EGLN1: variants seen among roughly 807,000 people sequenced by gnomAD.
EGLN1 encodes egl nine homolog 1.
Under a neutral mutation model 38.3 loss-of-function variants are expected in EGLN1, and 17 were observed. That is an observed-to-expected ratio of 0.44 (90% confidence interval 0.30 to 0.67). The LOEUF is 0.67. Ranked by LOEUF, EGLN1 falls within the 30% of genes least tolerant of loss-of-function variation. The pLI is 0.08. For synonymous variants in EGLN1, 283 were observed against 257.5 expected (o/e 1.10, Z -0.95); for missense variants, 477 against 603.3 (o/e 0.79, Z 2.19).
intron 1 of EGLN1, among the ~76,000 whole-genome samples, chr1:231,394,784 C>T (rs555349433): frequency 1.1e-3 from 161 of 152,050 alleles, no homozygotes; most frequent in African/African-American, 3.8e-3. Context: ...AACTTTTCAC[C>T]CCCAGATTTC....
At chr1:231,405,424 A>G (rs988354258) in intron 1 of EGLN1, among the ~76,000 whole-genome samples, 1 of 151,892 alleles carries the variant, frequency 6.6e-6, no homozygotes, top group Non-Finnish European at 1.5e-5. Flanking sequence ...TGATCCGCCC[A>G]CCTCAGCCTC....
At chr1:231,409,657 AG>A (rs377605894) in intron 1 of EGLN1, among the ~76,000 whole-genome samples, 98 of 152,312 alleles carry the variant, frequency 6.4e-4, no homozygotes, top group African/African-American at 2.2e-3. Context: ...AGTCCTCTAC[AG>A]ATGCCAAAGT....
intron 1 of EGLN1, among the ~76,000 whole-genome samples, chr1:231,416,452 T>G (rs907743144): frequency 6.6e-6 from 1 of 151,344 alleles, no homozygotes; most frequent in Non-Finnish European, 1.5e-5. Context: ...TTTTTTTTTT[T>G]GAGATAGGGT....
chr1:231,378,681 C>A (rs1688013608), intron 1 of EGLN1, among the ~76,000 whole-genome samples: 1 of 152,174 alleles, frequency 6.6e-6, no homozygotes, highest in Non-Finnish European at 1.5e-5. Context: ...CGCAATGCCT[C>A]TGAGGAATCT....
chr1:231,395,521 T>C (rs1232126180), intron 1 of EGLN1, among the ~76,000 whole-genome samples: 1 of 152,234 alleles, frequency 6.6e-6, no homozygotes, highest in East Asian at 1.9e-4. Flanking sequence ...CCTCATTTCC[T>C]GTTCCACACT....
chr1:231,371,052 G>C (rs112138605), intron 2 of EGLN1, among the ~76,000 whole-genome samples: 85 of 152,252 alleles, frequency 5.6e-4, no homozygotes, highest in African/African-American at 1.9e-3. Flanking sequence ...ACCATGTCCA[G>C]CTAATTTTTG....
rs560996946 is a variant in EGLN1, at chr1:231,374,074, T to C, written c.917A>G (p.Asn306Ser). 16 of 1,613,556 alleles carry C rather than the reference T, an allele frequency of 9.9e-6. No homozygotes were observed. The highest frequency in any genetic ancestry group is 4.4e-5 in the South Asian group (4 of 91,068). Residue 306 changes from asparagine (N) to serine (S), a missense_variant, in exon 2 of 5, where the codon AAT (asparagine) becomes AGT (serine). Transcript: ENST00000366641. ...AACATGACGTACATAACCCGTTCCATTGCCCGGATAACAAGCAACCATGGC... is the reference window on the plus strand; with the variant it reads ...AACATGACGTACATAACCCGTTCCACTGCCCGGATAACAAGCAACCATGGC... ...TKAMVACYPGNGTGYVRHVDN... is the reference protein window; with the variant it reads ...TKAMVACYPGSGTGYVRHVDN...
At chr1:231,411,204 T>C (rs1209199949) in intron 1 of EGLN1, among the ~76,000 whole-genome samples, 1 of 152,176 alleles carries the variant, frequency 6.6e-6, no homozygotes, top group Non-Finnish European at 1.5e-5. Context: ...CCTCATGCTG[T>C]TCTCATGATA....
chr1:231,407,889 T>C (rs997086728), intron 1 of EGLN1, among the ~76,000 whole-genome samples: 2 of 152,058 alleles, frequency 1.3e-5, no homozygotes, highest in Non-Finnish European at 2.9e-5. Flanking sequence ...CACAACAGGA[T>C]TAAAACTCTC....
intron 1 of EGLN1, among the ~76,000 whole-genome samples, chr1:231,377,444 G>A (rs2790891): frequency 0.55 from 82,941 of 152,034 alleles, 24,246 homozygotes; most frequent in Non-Finnish European, 0.65. Context: ...GTATTCTGAA[G>A]GCAGAAAACC....
chr1:231,415,754 G>A (rs911128190), intron 1 of EGLN1, among the ~76,000 whole-genome samples: 5 of 152,136 alleles, frequency 3.3e-5, no homozygotes, highest in Middle Eastern at 6.8e-3. Context: ...AGCAACTGAC[G>A]ACTCAAGAAA....
At chr1:231,375,015 A>G (rs1572021205) in intron 1 of EGLN1, among the ~76,000 whole-genome samples, 1 of 110,000 alleles carries the variant, frequency 9.1e-6, no homozygotes. Flanking sequence ...ATTCTCAGGA[A>G]TTATGAAGAA....
At chr1:231,389,604 A>G (rs1688315294) in intron 1 of EGLN1, among the ~76,000 whole-genome samples, 1 of 152,198 alleles carries the variant, frequency 6.6e-6, no homozygotes, top group South Asian at 2.1e-4. Context: ...ACTGCTTTTC[A>G]CCTTCACAAA....
intron 1 of EGLN1, among the ~76,000 whole-genome samples, chr1:231,410,740 A>G (rs12748865): frequency 1.2e-3 from 185 of 151,970 alleles, no homozygotes; most frequent in Non-Finnish European, 2.2e-3. Context: ...ACTGAAAAAT[A>G]TAAGAAAAAA....
At chr1:231,402,946 C>T (rs1179089632) in intron 1 of EGLN1, among the ~76,000 whole-genome samples, 1 of 150,932 alleles carries the variant, frequency 6.6e-6, no homozygotes, top group Non-Finnish European at 1.5e-5. Flanking sequence ...TAGTGTAGGT[C>T]TATTTCTGAA....
chr1:231,400,323 T>C (rs986852510), intron 1 of EGLN1, among the ~76,000 whole-genome samples: 2 of 152,078 alleles, frequency 1.3e-5, no homozygotes, highest in Non-Finnish European at 1.5e-5. Flanking sequence ...ATTTTCTCCA[T>C]GGAATTTTAA....
At chr1:231,373,777 A>C (rs767223340) in intron 2 of EGLN1, among the ~76,000 whole-genome samples, 3 of 152,156 alleles carry the variant, frequency 2.0e-5, no homozygotes, top group Non-Finnish European at 4.4e-5. Flanking sequence ...CTACGTTGTT[A>C]ACTACAGGTA....
chr1:231,406,029 CT>C (rs777315311), intron 1 of EGLN1, among the ~76,000 whole-genome samples: 2,558 of 68,726 alleles, frequency 0.037, 160 homozygotes, highest in African/African-American at 0.14. Flanking sequence ...ATTACTAAGG[CT>C]TTTTTTTTTT....
At chr1:231,385,665 A>G (rs993123822) in intron 1 of EGLN1, among the ~76,000 whole-genome samples, 1 of 152,204 alleles carries the variant, frequency 6.6e-6, no homozygotes, top group Non-Finnish European at 1.5e-5. Flanking sequence ...ACAGGGAGCC[A>G]CTGAAGAGGT....
Sources: allele counts gnomAD v4.1 joint callset (sites outside exome capture counted in the v4.1 genomes callset), GRCh38; gene constraint gnomAD v4.1.1; transcripts MANE v1.5; gene names NCBI Gene and HGNC (gene_info 2026-07-23, HGNC 2026-07-21).